SLC26A1: variants seen among roughly 807,000 people sequenced by gnomAD.
SLC26A1 encodes sulfate anion transporter 1.
In SLC26A1, 18 loss-of-function variants were observed where a neutral mutation model predicts 14.5. The observed-to-expected ratio is 1.24, with a 90% CI of 0.86 to 1.84. The LOEUF (loss-of-function observed/expected upper bound fraction) is 1.84, where lower values mean the gene tolerates loss of function less well. SLC26A1 is among the 40% of genes most tolerant of loss of function. The probability of loss-of-function intolerance (pLI) is 0.00; values close to 1 mark genes in which losing one functional copy is unlikely to be tolerated. For missense variants in SLC26A1, 1,049 were observed against 1,020.0 expected, an observed-to-expected ratio of 1.03 and a Z score of -0.39; for synonymous variants, 505 against 492.0, an observed-to-expected ratio of 1.03 and a Z score of -0.35.
intron 1 of SLC26A1, chr4:992,063 G>A: frequency 7.3e-6 from 4 of 548,856 alleles, no homozygotes; most frequent in Non-Finnish European, 1.0e-5. Flanking sequence ...GCGGTTCCTG[G>A]CTGAAAACCA....
In SLC26A1 at chr4:990,088, T is replaced by C. The variant is rs778501329; in HGVS notation, c.851A>G (p.Tyr284Cys). The C allele has an allele frequency of 2.5e-6, 4 of 1,598,182 alleles. No individual in the cohort carries two copies. The highest frequency in any genetic ancestry group is 2.7e-5 in the African/African-American group (2 of 74,712). ...LLAAKELSDR[Y>C]RHRLRVPLPT... ...CAGCGGCACCCTCAGGCGGTGTCGG[T>C]AGCGGTCTGAGAGCTCCTTCGCGGC... is the stretch of plus-strand genomic sequence containing the variant. Residue 284 changes from tyrosine (Y) to cysteine (C), a missense_variant, in exon 3 of 3, where the codon TAC becomes TGC. By Grantham distance (194) the Tyr-to-Cys change is radical. Coordinates refer to ENST00000398516, the MANE Select transcript of SLC26A1 (RefSeq NM_022042.4).
rs528851783 is a variant in SLC26A1, at chr4:987,694, G to T, written c.*1139C>A. The stretch of plus-strand genomic sequence containing the variant: ...AGGGTCATTTTATTAGTCACTGAAC[G>T]CACGGGCAGCGCCTGGATCCTGCGC... On this transcript the variant is annotated 3_prime_UTR_variant, in exon 3 of 3. Coordinates refer to ENST00000398516, the MANE Select transcript of SLC26A1 (RefSeq NM_022042.4). 1.5e-5 allele frequency: 23 copies of T among 1,534,932 alleles called. No homozygotes were observed. The highest frequency in any genetic ancestry group is 1.4e-4 in the Admixed American group (7 of 51,716).
At position 988,501 on chromosome 4, in the gene SLC26A1, C is replaced by T. The variant is rs779104842; in HGVS notation, c.*332G>A. ...TGGCACCTTGGAGGCTGCATGATGG[C>T]GGGGGACCCTTGTTCAAATAAGATG... is the stretch of plus-strand genomic sequence containing the variant. On this transcript the variant is annotated 3_prime_UTR_variant, in exon 3 of 3. Transcript: ENST00000398516. The T allele has an allele frequency of 2.1e-5, 24 of 1,145,422 alleles. No homozygotes were observed. Among genetic ancestry groups the T allele is most frequent in the East Asian group, 4.9e-5 (1 of 20,248 alleles). 71.0% of individuals were successfully genotyped at this position (1,145,422 alleles called of 1,614,324 possible). A position where few individuals can be genotyped will look rare whatever the true frequency, so the allele number is the denominator to read the frequency against.
chr4:990,628 C>T lies in SLC26A1; in HGVS notation c.577-266G>A. 5.9e-6 allele frequency: 3 copies of T among 512,230 alleles called. No homozygotes were observed. In the South Asian group the frequency reaches 8.6e-5, roughly 15 times the overall value. 31.7% of individuals were successfully genotyped at this position (512,230 alleles called of 1,614,324 possible). On this transcript the variant is annotated intron_variant, in intron 2 of 2. Coordinates refer to ENST00000398516, the MANE Select transcript of SLC26A1 (RefSeq NM_022042.4). ...AGACACGTCTAACCCTTGTCACGTG[C>T]AGCAGCCCGTTTTATTTCAGAATTA...
chr4:979,380 C>T (rs763075365), exon 3 of SLC26A1: 46 of 1,294,046 alleles, frequency 3.6e-5, no homozygotes, highest in Non-Finnish European at 4.9e-5. Flanking sequence ...TTCTCGATGT[C>T]GTTGATGTCG....
rs1430206874 is a variant in SLC26A1 at position 989,800 on chromosome 4, A to C, written c.1139T>G (p.Val380Gly). The C allele has an allele frequency of 2.0e-5, 31 of 1,573,370 alleles. No homozygotes were observed. Among genetic ancestry groups the C allele is most frequent in the Non-Finnish European group, 2.7e-5 (31 of 1,160,332 alleles). ...GGCGGGTAGCACGTTGCAGCAGCCC[A>C]CAGCCAGCAGCTCCTGGTTGGCACG... Reference protein sequence around the residue: ...SVRANQELLAVGCCNVLPAFL... With the variant: ...SVRANQELLAGGCCNVLPAFL... The change falls in exon 3 of 3, where the codon GTG becomes GGG. Residue 380 changes from valine to glycine, a missense_variant. Transcript: ENST00000398516.
At chr4:980,376 A>G (rs1198132851) in intron 2 of SLC26A1, among the ~76,000 whole-genome samples, 2 of 152,196 alleles carry the variant, frequency 1.3e-5, no homozygotes, top group Non-Finnish European at 2.9e-5. Flanking sequence ...ACCTGAGGTC[A>G]AGAGATCGAG....
chr4:992,083 C>T, intron 1 of SLC26A1: 1 of 520,996 alleles, frequency 1.9e-6, no homozygotes, highest in East Asian at 4.8e-5. Flanking sequence ...ACCCTGTAGC[C>T]TCCTGAAGCT....
rs538097255 is a variant in SLC26A1 at position 982,576 on chromosome 4, C to T, written c.577-3072G>A. ...GCGGACCTGGAAGCAATGTGCCAGG[C>T]GTGGTCTCAGCCCTGAGGGCCTCCG... On this transcript the variant is annotated intron_variant, in intron 2 of 2. Transcript: ENST00000398520. Among the ~76,000 whole-genome samples the T allele has an allele frequency of 2.6e-5, 4 of 152,352 alleles. No individual in the cohort carries two copies. In the East Asian group the frequency reaches 5.8e-4, roughly 22 times the overall value.
chr4:979,980 T>G (rs1439631014), intron 2 of SLC26A1, among the ~76,000 whole-genome samples: 3 of 152,182 alleles, frequency 2.0e-5, no homozygotes, highest in African/African-American at 7.2e-5. Context: ...GCAAAGAAGA[T>G]ACATTACATT....
chr4:987,672 G>T lies in SLC26A1; in HGVS notation c.*1161C>A. ...CCTCCCCACATTCCTGGCCCTAAGG[G>T]TCATTTTATTAGTCACTGAACGCAC... On this transcript the variant is annotated 3_prime_UTR_variant, in exon 3 of 3. Transcript: ENST00000398516. 1.3e-6 allele frequency: 2 copies of T among 1,491,382 alleles called. No homozygotes were observed. The highest frequency in any genetic ancestry group is 2.6e-5 in the South Asian group (2 of 76,752). The allele number at this position is 1,491,382 out of a possible 1,614,324, so 92.4% of individuals were successfully genotyped here.
chr4:979,312 C>G lies in SLC26A1; in HGVS notation c.*94G>C, dbSNP rs556731405. 9 of 780,712 alleles carry G rather than the reference C, an allele frequency of 1.2e-5. No individual in the cohort carries two copies. In the African/African-American group the frequency reaches 1.4e-4, roughly 12 times the overall value. 48.4% of individuals were successfully genotyped at this position (780,712 alleles called of 1,614,324 possible). On this transcript the variant is annotated 3_prime_UTR_variant, in exon 3 of 3. Coordinates refer to the SLC26A1 transcript ENST00000398520. Reference sequence around the variant, plus strand: ...TTTCCCCAGGTGCTGATCCAAGCCTCCCTCTGGAATAAGCTGTATCCACCG... The same window carrying G: ...TTTCCCCAGGTGCTGATCCAAGCCTGCCTCTGGAATAAGCTGTATCCACCG...
At chr4:983,728 G>A (rs1713616857), downstream of SLC26A1, among the ~76,000 whole-genome samples, 3 of 152,198 alleles carry the variant, frequency 2.0e-5, no homozygotes, top group South Asian at 4.1e-4. Context: ...GAAAGGCAGG[G>A]GAGGTTTTCC....
At position 989,432 on chromosome 4, in the gene SLC26A1, C is replaced by G; in HGVS notation, c.1507G>C (p.Gly503Arg). The G allele has an allele frequency of 7.1e-6, 11 of 1,554,760 alleles. No individual in the cohort carries two copies. Among genetic ancestry groups the G allele is most frequent in the Non-Finnish European group, 9.6e-6 (11 of 1,149,484 alleles). ...GVILSLLSLA[G>R]RTQRPRTALL... ...GCGGTGCGTGGGCGTTGGGTGCGGCCGGCCAGGCTGAGCAGCGAGAGGATG... is the reference window on the plus strand; with the variant it reads ...GCGGTGCGTGGGCGTTGGGTGCGGCGGGCCAGGCTGAGCAGCGAGAGGATG... The change falls in exon 3 of 3, where the codon GGC becomes CGC. Residue 503 changes from glycine to arginine, a missense_variant. Transcript: ENST00000398516.
chr4:991,238 C>G lies in SLC26A1; in HGVS notation c.466G>C (p.Gly156Arg). 13 of 1,611,606 alleles carry G rather than the reference C, an allele frequency of 8.1e-6. No individual in the cohort carries two copies. Among genetic ancestry groups the G allele is most frequent in the Non-Finnish European group, 1.1e-5 (13 of 1,179,182 alleles). The change falls in exon 2 of 3, where the codon GGA becomes CGA. Residue 156 changes from glycine to arginine, a missense_variant. By Grantham distance (125) the Gly-to-Arg change is moderately radical. Transcript: ENST00000398516. Reference sequence around the variant, plus strand: ...CCGTTGAGGGTGCTGCTGTTGGCTCCGGGCTGCAGGCCGTCCTGGGAGGGG... The same window carrying G: ...CCGTTGAGGGTGCTGCTGTTGGCTCGGGGCTGCAGGCCGTCCTGGGAGGGG... ...FDPSQDGLQPGANSSTLNGSA... is the reference protein window; with the variant it reads ...FDPSQDGLQPRANSSTLNGSA...
downstream of SLC26A1, among the ~76,000 whole-genome samples, chr4:984,580 C>T (rs947422989): frequency 6.6e-6 from 1 of 152,130 alleles, no homozygotes; most frequent in Admixed American, 6.5e-5. Flanking sequence ...CCTATAATCC[C>T]AGCACTTTGG....
At chr4:992,120 C>T (rs1447453213) in intron 1 of SLC26A1, 2 of 492,372 alleles carry the variant, frequency 4.1e-6, no homozygotes, top group South Asian at 3.1e-5. Context: ...CAGGAACAGG[C>T]TGGGCTGCCA....
rs557753555 is a variant in SLC26A1 at position 991,514 on chromosome 4, G to A, written c.190C>T (p.Arg64Cys). 145 of 1,608,406 alleles carry A rather than the reference G, an allele frequency of 9.0e-5. No homozygotes were observed. In the South Asian group the frequency reaches 9.9e-4, roughly 11 times the overall value. The change falls in exon 2 of 3, where the codon CGC becomes TGC. Residue 64 changes from arginine (R) to cysteine (C), a missense_variant. By Grantham distance (180) the Arg-to-Cys change is radical (BLOSUM62 -3). Transcript: ENST00000398516. ...TCGCCTGCCAGGTACTCCCGCGGGC[G>A]GTACTGACGCAGCCAGCGCGTGGCG... Reference protein sequence around the residue: ...LPATRWLRQYRPREYLAGDVM... With the variant: ...LPATRWLRQYCPREYLAGDVM...
rs1325853085 is a variant in SLC26A1, at chr4:991,464, G to A, written c.240C>T (p.Gly80=). Reference sequence around the variant, plus strand: ...CGATGGCCTGCGGCACCAGGATGATGCCGATGACCAGCCCAGACATGACGT... The same window carrying A: ...CGATGGCCTGCGGCACCAGGATGATACCGATGACCAGCCCAGACATGACGT... ...AGDVMSGLVI[G]IILVPQAIAY... The change falls in exon 2 of 3, where the codon GGC becomes GGT. Residue 80 remains glycine, a synonymous_variant. Transcript: ENST00000398516. 2 of 1,612,592 alleles carry A rather than the reference G, an allele frequency of 1.2e-6. No individual in the cohort carries two copies. The highest frequency in any genetic ancestry group is 3.3e-5 in the Admixed American group (2 of 60,022).
Sources: allele counts gnomAD v4.1 joint callset (sites outside exome capture counted in the v4.1 genomes callset), GRCh38; gene constraint gnomAD v4.1.1; transcripts MANE v1.5; gene names NCBI Gene and HGNC (gene_info 2026-07-23, HGNC 2026-07-21).